Variants in STYXL1 observed in about 807,000 individuals in gnomAD.
STYXL1 encodes serine/threonine/tyrosine-interacting-like protein 1.
A neutral mutation model predicts 36.4 loss-of-function variants in STYXL1; 32 were observed. The observed-to-expected ratio is 0.88, with a 90% CI of 0.66 to 1.18. STYXL1 has a LOEUF of 1.18. Ranked by LOEUF, STYXL1 falls within the 50% of genes most tolerant of loss-of-function variation. The pLI, the probability that STYXL1 is intolerant of heterozygous loss-of-function variation, is 0.00. For synonymous variants in STYXL1, 133 were observed against 144.1 expected (o/e 0.92, Z 0.55); for missense variants, 354 against 394.1 (o/e 0.90, Z 0.86).
chr7:76,023,709 A>G (rs1034265446), intron 3 of STYXL1, among the ~76,000 whole-genome samples: 1 of 152,026 alleles, frequency 6.6e-6, no homozygotes. Context: ...CCTGGGTGAC[A>G]GCAAGACTTG....
At chr7:76,025,519 G>T (rs1369379383) in intron 3 of STYXL1, among the ~76,000 whole-genome samples, 2 of 152,182 alleles carry the variant, frequency 1.3e-5, no homozygotes, top group East Asian at 3.9e-4. Flanking sequence ...GCCTGGTGTG[G>T]TGGCTCATGC....
intron 1 of STYXL1, among the ~76,000 whole-genome samples, chr7:76,032,412 A>AAG (rs1795466066): frequency 6.7e-6 from 1 of 150,306 alleles, no homozygotes. Context: ...AAAAAAAAAA[A>AAG]AAGAAGGAGG....
intron 5 of STYXL1, among the ~76,000 whole-genome samples, chr7:76,009,239 G>A (rs1554571459): frequency 2.0e-5 from 3 of 151,874 alleles, no homozygotes; most frequent in Non-Finnish European, 4.4e-5. Flanking sequence ...TGGGCACACT[G>A]CCTTCCCCCA....
intron 5 of STYXL1, among the ~76,000 whole-genome samples, chr7:76,007,896 C>CA (rs34975812): frequency 0.097 from 10,383 of 106,982 alleles, 684 homozygotes; most frequent in East Asian, 0.29. Flanking sequence ...GCCTGTCTCT[C>CA]AAAAAAAAAA....
At chr7:76,018,414 C>G (rs1468276833) in intron 4 of STYXL1, among the ~76,000 whole-genome samples, 1 of 150,264 alleles carries the variant, frequency 6.7e-6, no homozygotes, top group African/African-American at 2.5e-5. Context: ...TTTTTGAGAC[C>G]GAGTTTCACT....
intron 3 of STYXL1, among the ~76,000 whole-genome samples, chr7:76,027,378 T>C (rs1441374445): frequency 6.6e-6 from 1 of 152,012 alleles, no homozygotes; most frequent in Non-Finnish European, 1.5e-5. Flanking sequence ...CTTTGGATTA[T>C]AGCCAATTAT....
intron 3 of STYXL1, 49 bp downstream of exon 3, chr7:76,028,593 C>T: frequency 6.4e-7 from 1 of 1,572,848 alleles, no homozygotes; most frequent in Non-Finnish European, 8.7e-7. Context: ...CTTCCCCACC[C>T]CACTGCAAGG....
Position 76,024,589 on chromosome 7 carries a change from C to T in STYXL1, c.166-2597G>A, listed in dbSNP as rs149432357. Among the ~76,000 whole-genome samples, 487 of 152,078 alleles carry T rather than the reference C, an allele frequency of 3.2e-3. 4 individuals carry two copies. Among genetic ancestry groups the T allele is most frequent in the African/African-American group, 0.011 (467 of 41,478 alleles). On this transcript the variant is annotated intron_variant, in intron 3 of 8. Transcript: ENST00000359697. ...CTGTGATGGTGCCATTGCACTCCAG[C>T]CTAAGCGAGAGAGTGAGACCCTGTC...
intron 3 of STYXL1, among the ~76,000 whole-genome samples, chr7:76,027,473 A>G (rs1794847805): frequency 6.6e-6 from 1 of 152,066 alleles, no homozygotes; most frequent in South Asian, 2.1e-4. Flanking sequence ...TCTTTAAAAA[A>G]AAAAAATTAG....
chr7:76,013,093 G>T (rs1369861222), intron 5 of STYXL1, among the ~76,000 whole-genome samples: 1 of 152,168 alleles, frequency 6.6e-6, no homozygotes, highest in Non-Finnish European at 1.5e-5. Context: ...GGAAAGCCGA[G>T]GCAGGTGGAT....
intron 4 of STYXL1, among the ~76,000 whole-genome samples, chr7:76,016,189 T>C (rs1409884756): frequency 6.6e-6 from 1 of 151,950 alleles, no homozygotes; most frequent in Admixed American, 6.6e-5. Context: ...TATAGATATA[T>C]GTATATCTAT....
intron 1 of STYXL1, among the ~76,000 whole-genome samples, chr7:76,046,323 TGTGTGTGTGTGTGTGTGCGCGC>T (rs1450904427): frequency 0.019 from 515 of 26,722 alleles, 12 homozygotes; most frequent in Non-Finnish European, 0.028. Flanking sequence ...TGTGTGTGTG[TGTGTGTGTGTGTGTGTGCGCGC>T]GCGCGCGCGC....
intron 8 of STYXL1, among the ~76,000 whole-genome samples, chr7:75,997,632 T>G (rs1019601520): frequency 9.9e-5 from 15 of 151,980 alleles, no homozygotes; most frequent in Non-Finnish European, 2.2e-4. Context: ...GAAAAAGAAA[T>G]AAAAGGCATC....
chr7:76,001,453 CTT>C (rs145898333), intron 7 of STYXL1, among the ~76,000 whole-genome samples: 29 of 152,250 alleles, frequency 1.9e-4, no homozygotes, highest in Non-Finnish European at 1.2e-4. Flanking sequence ...CATCTCCTCT[CTT>C]CTTTCCCCTT....
chr7:76,001,121 C>T (rs1790869069), intron 7 of STYXL1, 119 bp from the exon 8 acceptor site: 2 of 729,842 alleles, frequency 2.7e-6, no homozygotes, highest in South Asian at 1.6e-5. Context: ...AACCAGCCCA[C>T]GTGACCTCGG....
chr7:76,018,234 C>T (rs1554574634), intron 4 of STYXL1, among the ~76,000 whole-genome samples: 1 of 152,020 alleles, frequency 6.6e-6, no homozygotes, highest in Non-Finnish European at 1.5e-5. Flanking sequence ...ACCCGTTTTT[C>T]CCCAAACTCC....
At chr7:76,008,863 G>A (rs782589136) in intron 5 of STYXL1, among the ~76,000 whole-genome samples, 18 of 152,038 alleles carry the variant, frequency 1.2e-4, no homozygotes, top group African/African-American at 2.4e-4. Flanking sequence ...AAAATTAGGC[G>A]TGGTGGCACA....
intron 1 of STYXL1, among the ~76,000 whole-genome samples, chr7:76,036,170 G>A (rs767891603): frequency 6.7e-6 from 1 of 149,590 alleles, no homozygotes; most frequent in Non-Finnish European, 1.5e-5. Flanking sequence ...GGATGATCTC[G>A]GCTCACTGTA....
intron 2 of STYXL1, among the ~76,000 whole-genome samples, chr7:76,030,163 A>AT (rs527576873): frequency 6.6e-6 from 1 of 151,726 alleles, no homozygotes; most frequent in African/African-American, 2.4e-5. Flanking sequence ...ACTGCAGCTA[A>AT]TTTTTTTGTA....
Sources: allele counts gnomAD v4.1 joint callset (sites outside exome capture counted in the v4.1 genomes callset), GRCh38; gene constraint gnomAD v4.1.1; transcripts MANE v1.5; gene names NCBI Gene and HGNC (gene_info 2026-07-23, HGNC 2026-07-21).